Variants in DOT1L observed in about 807,000 individuals in gnomAD.
The protein encoded by DOT1L is histone-lysine N-methyltransferase, H3 lysine-79 specific.
In DOT1L, 33 loss-of-function variants were observed where a neutral mutation model predicts 153.3. The observed-to-expected ratio is 0.22, with a 90% CI of 0.16 to 0.29. The LOEUF (loss-of-function observed/expected upper bound fraction) is 0.29, where lower values mean the gene tolerates loss of function less well. Among genes scored for constraint, DOT1L ranks in the 10% least tolerant of loss-of-function variants. The probability of loss-of-function intolerance (pLI) is 1.00; values close to 1 mark genes in which losing one functional copy is unlikely to be tolerated. For synonymous variants in DOT1L, 1,135 were observed against 965.1 expected (o/e 1.18, Z -3.26); for missense variants, 1,847 against 2,119.9 (o/e 0.87, Z 2.53).
rs1016521499 is a variant in DOT1L at position 2,191,942 on chromosome 19, C to T, written c.493+702C>T. ...GTGGCCTGGCTGAAGCACAGATGAG[C>T]GGCCCGTACACGAACAGCCTCAGTA... is the stretch of plus-strand genomic sequence containing the variant. On this transcript the variant is annotated intron_variant, in intron 5 of 27. Coordinates refer to ENST00000398665, the MANE Select transcript of DOT1L (RefSeq NM_032482.3). This position sits in a 1 kb window ranked among gnomAD's most constrained non-coding sequence, Gnocchi z 6.8. Among the ~76,000 whole-genome samples, 18 of 152,196 alleles carry T rather than the reference C, an allele frequency of 1.2e-4. No homozygotes were observed. Among genetic ancestry groups the T allele is most frequent in the Non-Finnish European group, 1.0e-4 (7 of 68,026 alleles).
In DOT1L at chr19:2,193,900, C is replaced by A; in HGVS notation, c.588+117C>A. The A allele has an allele frequency of 9.1e-7, 1 of 1,104,948 alleles. No individual in the cohort carries two copies. The highest frequency in any genetic ancestry group is 1.3e-6 in the Non-Finnish European group (1 of 770,750). 68.4% of individuals were successfully genotyped at this position (1,104,948 alleles called of 1,614,324 possible). A position where few individuals can be genotyped will look rare whatever the true frequency, so the allele number is the denominator to read the frequency against. On this transcript the variant is annotated intron_variant, in intron 6 of 27. Coordinates refer to ENST00000398665, the MANE Select transcript of DOT1L (RefSeq NM_032482.3). This position sits in a 1 kb window ranked among gnomAD's most constrained non-coding sequence, Gnocchi z 5.9. ...TTCCGAGTCTGGGTGGCGTTCTTTC[C>A]AGGCCCAAGACGTCTTGGTTGCCTG...
At chr19:2,181,176 G>C (rs2022213501) in intron 2 of DOT1L, among the ~76,000 whole-genome samples, 1 of 152,236 alleles carries the variant, frequency 6.6e-6, no homozygotes, top group Non-Finnish European at 1.5e-5. Flanking sequence ...GCTCCAGCCT[G>C]GGCTCCAGGA....
chr19:2,202,842 G>A (rs1029264713), intron 9 of DOT1L, 63 bp downstream of exon 9: 19 of 1,565,108 alleles, frequency 1.2e-5, no homozygotes, highest in Non-Finnish European at 1.7e-5. Flanking sequence ...TGGCCAGGAG[G>A]TCCCCGCAGG....
intron 19 of DOT1L, among the ~76,000 whole-genome samples, chr19:2,215,169 A>C (rs1387420367): frequency 6.6e-6 from 1 of 152,198 alleles, no homozygotes; most frequent in Non-Finnish European, 1.5e-5. Context: ...ATATTGAGGC[A>C]AAAAGGGCCG....
chr19:2,185,630 G>A (rs1271517485), intron 2 of DOT1L, among the ~76,000 whole-genome samples: 4 of 152,092 alleles, frequency 2.6e-5, no homozygotes, highest in South Asian at 2.1e-4. Flanking sequence ...TTAGCCAGGC[G>A]TGGTGGTGGG....
intron 22 of DOT1L, among the ~76,000 whole-genome samples, chr19:2,218,589 T>C (rs1018553800): frequency 6.6e-6 from 1 of 151,274 alleles, no homozygotes; most frequent in Admixed American, 6.6e-5. Flanking sequence ...GAGATGGGGT[T>C]TCACCGTGTT....
At chr19:2,196,648 G>A (rs1408527052) in intron 7 of DOT1L, among the ~76,000 whole-genome samples, 4 of 152,132 alleles carry the variant, frequency 2.6e-5, no homozygotes, top group Non-Finnish European at 4.4e-5. Flanking sequence ...GGTTTCCTAC[G>A]TTGACAGTTG....
chr19:2,175,855 C>G (rs1347778063), intron 1 of DOT1L, among the ~76,000 whole-genome samples: 2 of 152,076 alleles, frequency 1.3e-5, no homozygotes, highest in African/African-American at 4.8e-5. Flanking sequence ...GCCTCGGCAA[C>G]GAGCAAAACT....
intron 2 of DOT1L, among the ~76,000 whole-genome samples, chr19:2,182,990 G>A (rs1378955042): frequency 1.3e-5 from 2 of 152,112 alleles, no homozygotes; most frequent in African/African-American, 2.4e-5. Context: ...CTCGAAACTC[G>A]AACCCCCACC....
At chr19:2,221,749 G>C (rs1454664096) in intron 23 of DOT1L, 1 of 538,230 alleles carries the variant, frequency 1.9e-6, no homozygotes, top group East Asian at 2.9e-5. Flanking sequence ...CAGGGCACAG[G>C]CAGCCCAGAT....
rs906367271 is a variant in DOT1L, at chr19:2,207,287, A to C, written c.857-287A>C. ...GTTGCTGGATGCTGGCCGTTCTTGC[A>C]GCCGTGATCTAAGTCGCTTCCAGAT... is the stretch of plus-strand genomic sequence containing the variant. On this transcript the variant is annotated intron_variant, in intron 10 of 27. Transcript: ENST00000398665. The surrounding 1 kb of genome is among the most constrained non-coding windows in gnomAD (Gnocchi z 4.5). 6.6e-6 allele frequency among the ~76,000 whole-genome samples: 1 copy of C among 152,184 alleles called. No homozygotes were observed. The highest frequency in any genetic ancestry group is 1.5e-5 in the Non-Finnish European group (1 of 68,016).
At chr19:2,212,919 C>G (rs2023764959) in intron 16 of DOT1L, 1 of 152,298 alleles carries the variant, frequency 6.6e-6, no homozygotes, top group Non-Finnish European at 1.5e-5. Flanking sequence ...CCAGAGATAA[C>G]TCCAAAAGCC....
chr19:2,199,993 C>T (rs568758014), intron 8 of DOT1L, 54 bp downstream of exon 8: 77 of 1,597,682 alleles, frequency 4.8e-5, no homozygotes, highest in Middle Eastern at 1.7e-4. Context: ...CACAGGCGGG[C>T]GGTGGCCATG....
At chr19:2,195,557 C>T (rs1033083097) in intron 7 of DOT1L, among the ~76,000 whole-genome samples, 14 of 152,132 alleles carry the variant, frequency 9.2e-5, no homozygotes, top group African/African-American at 2.9e-4. Flanking sequence ...AAGGTGGATG[C>T]TTCCTATTCT....
At chr19:2,173,653 T>G (rs770591271) in intron 1 of DOT1L, among the ~76,000 whole-genome samples, 19 of 152,200 alleles carry the variant, frequency 1.2e-4, no homozygotes, top group Non-Finnish European at 2.4e-4. Context: ...ACCGGCCCTC[T>G]CAGTACAGCG....
Position 2,220,029 on chromosome 19 carries a change from A to C in DOT1L, c.2692-79A>C, listed in dbSNP as rs2024053325. The C allele has an allele frequency of 1.8e-5, 24 of 1,362,570 alleles. No individual in the cohort carries two copies. Among genetic ancestry groups the C allele is most frequent in the Non-Finnish European group, 2.4e-5 (24 of 988,222 alleles). The allele number at this position is 1,362,570 out of a possible 1,614,324, so 84.4% of individuals were successfully genotyped here. On this transcript the variant is annotated intron_variant, in intron 22 of 27. Transcript: ENST00000398665. This position sits in a 1 kb window ranked among gnomAD's most constrained non-coding sequence, Gnocchi z 4.5. Reference sequence around the variant, plus strand: ...CCTCCCCCAGCCAGCTGCAGGCCTCAACACTCACTGTTTCCAGCTGGGTTC... The same window carrying C: ...CCTCCCCCAGCCAGCTGCAGGCCTCCACACTCACTGTTTCCAGCTGGGTTC...
rs1344257795 is a variant in DOT1L at position 2,172,800 on chromosome 19, CA to C, written c.82-7911del. On this transcript the variant is annotated intron_variant, in intron 1 of 27. Coordinates refer to ENST00000398665, the MANE Select transcript of DOT1L (RefSeq NM_032482.3). ...TACAGGCGTGAGCCACTGCGCCTGG[CA>C]ATATTTTTCCTCTTTTTTTTGAAAT... Among the ~76,000 whole-genome samples, 3 of 152,032 alleles carry C rather than the reference CA, an allele frequency of 2.0e-5. No individual in the cohort carries two copies. The East Asian group carries it at 5.8e-4, about 29-fold the overall frequency.
At position 2,222,625 on chromosome 19, in the gene DOT1L, G is replaced by T. The variant is rs900210010; in HGVS notation, c.3390+66G>T. 7.0e-6 allele frequency: 10 copies of T among 1,433,622 alleles called. No homozygotes were observed. The Admixed American group carries it at 2.3e-4, about 33-fold the overall frequency. 88.8% of individuals were successfully genotyped at this position (1,433,622 alleles called of 1,614,324 possible). A position where few individuals can be genotyped will look rare whatever the true frequency, so the allele number is the denominator to read the frequency against. On this transcript the variant is annotated intron_variant, in intron 24 of 27. Coordinates refer to ENST00000398665, the MANE Select transcript of DOT1L (RefSeq NM_032482.3). The surrounding 1 kb of genome is among the most constrained non-coding windows in gnomAD (Gnocchi z 6.5). ...GAAAGAAAGACCAGAGGGAGACCGGGCGCGGTGGCTCACGCCTGTAATCCC... is the reference window on the plus strand; with the variant it reads ...GAAAGAAAGACCAGAGGGAGACCGGTCGCGGTGGCTCACGCCTGTAATCCC...
At chr19:2,227,976 C>T in intron 27 of DOT1L, 3 of 1,271,558 alleles carry the variant, frequency 2.4e-6, no homozygotes, top group Non-Finnish European at 3.1e-6. Context: ...CGCGGGGCCG[C>T]CCGTCCTCCA....
Sources: gnomAD v4.1 joint callset for allele counts (sites outside exome capture counted in the v4.1 genomes callset) on GRCh38, gnomAD v4.1.1 for gene constraint, Gnocchi (gnomAD v3.1) non-coding constraint, MANE v1.5 for transcripts, NCBI Gene and HGNC (gene_info 2026-07-23, HGNC 2026-07-21) for gene names.